CPS1: variants seen among roughly 807,000 people sequenced by gnomAD.
CPS1 encodes carbamoyl-phosphate synthase [ammonia], mitochondrial.
In CPS1, 109 loss-of-function variants were observed where a neutral mutation model predicts 174.6. That is an observed-to-expected ratio of 0.62 (90% CI 0.53 to 0.73). The LOEUF (loss-of-function observed/expected upper bound fraction) is 0.73, where lower values mean the gene tolerates loss of function less well. CPS1 is among the 30% of genes least tolerant of loss of function. The pLI is 0.00. For missense variants in CPS1, 1,689 were observed against 1,821.9 expected (o/e 0.93, Z 1.33); for synonymous variants, 637 against 632.0 (o/e 1.01, Z -0.12).
intron 21 of CPS1, 27 bp from the exon 22 acceptor site, chr2:210,637,675 G>A (rs1271234920): frequency 3.1e-6 from 5 of 1,613,228 alleles, no homozygotes; most frequent in East Asian, 4.5e-5. Context: ...GTCTAAACTT[G>A]AATCTCTCTT....
upstream of CPS1, among the ~76,000 whole-genome samples, chr2:210,552,543 T>C (rs912758411): frequency 2.0e-5 from 3 of 152,038 alleles, no homozygotes; most frequent in Non-Finnish European, 4.4e-5. Context: ...GTTGGAAGTC[T>C]CTGTACCTTC....
intron 1 of CPS1, among the ~76,000 whole-genome samples, chr2:210,529,752 T>G (rs1696070772): frequency 6.6e-6 from 1 of 151,998 alleles, no homozygotes; most frequent in Admixed American, 6.6e-5. Context: ...GACCTTATTG[T>G]GGAGATGGAT....
intron 1 of CPS1, among the ~76,000 whole-genome samples, chr2:210,540,669 G>T (rs1343304257): frequency 6.6e-6 from 1 of 152,136 alleles, no homozygotes; most frequent in Non-Finnish European, 1.5e-5. Flanking sequence ...TGTATATGAA[G>T]AAACTGAGGT....
intron 37 of CPS1, 146 bp downstream of exon 37, chr2:210,677,282 A>G (rs909038840): frequency 2.3e-6 from 2 of 855,520 alleles, no homozygotes; most frequent in African/African-American, 3.4e-5. Context: ...TAAAATAATG[A>G]TGCTAACATG....
At chr2:210,563,300 A>G (rs1449730283) in intron 1 of CPS1, among the ~76,000 whole-genome samples, 1 of 151,964 alleles carries the variant, frequency 6.6e-6, no homozygotes, top group Admixed American at 6.6e-5. Context: ...TCTTTTTTTG[A>G]GAATAGGTTG....
At chr2:210,521,104 C>T (rs912545220) in intron 1 of CPS1, among the ~76,000 whole-genome samples, 11 of 152,036 alleles carry the variant, frequency 7.2e-5, no homozygotes, top group African/African-American at 2.7e-4. Flanking sequence ...ACCTCACCAA[C>T]ATTTGCCAAG....
Position 210,591,866 on chromosome 2 carries a change from A to G in CPS1, c.983A>G (p.Lys328Arg), listed in dbSNP as rs770107715. ...CAGCCTGTTTTGAATATCACAAACA[A>G]ACAGGCTTTCATTACTGCTCAGAAT... The part of the protein sequence containing the change: ...QNQPVLNITN[K>R]QAFITAQNHG... Residue 328 changes from lysine (K) to arginine (R), a missense_variant, in exon 10 of 38, where the codon AAA becomes AGA. By Grantham distance (26) the Lys-to-Arg change is conservative (BLOSUM62 2). Coordinates refer to ENST00000233072, the MANE Select transcript of CPS1 (RefSeq NM_001875.5). 6.2e-7 allele frequency: 1 copy of G among 1,612,626 alleles called. No homozygotes were observed. Among genetic ancestry groups the G allele is most frequent in the South Asian group, 1.1e-5 (1 of 91,046 alleles).
At chr2:210,642,082 A>C (rs533896934) in intron 24 of CPS1, among the ~76,000 whole-genome samples, 1 of 152,376 alleles carries the variant, frequency 6.6e-6, no homozygotes, top group Non-Finnish European at 1.5e-5. Flanking sequence ...GGCTGAAAAA[A>C]GAGCACAGGT....
At chr2:210,489,721 T>A (rs933109459) in intron 1 of CPS1, among the ~76,000 whole-genome samples, 1 of 152,116 alleles carries the variant, frequency 6.6e-6, no homozygotes, top group African/African-American at 2.4e-5. Context: ...CTTTCTTCCA[T>A]ACTATTATAA....
At chr2:210,577,247 A>G (rs1697742743) in intron 3 of CPS1, 174 bp from the exon 4 acceptor site, 1 of 634,460 alleles carries the variant, frequency 1.6e-6, no homozygotes. Flanking sequence ...TAATGCAACA[A>G]TTACATATTT....
At position 210,608,459 on chromosome 2, in the gene CPS1, C is replaced by G. The variant is rs1284036715; in HGVS notation, c.2291C>G (p.Pro764Arg). 5.6e-6 allele frequency: 9 copies of G among 1,612,498 alleles called. No homozygotes were observed. Among genetic ancestry groups the G allele is most frequent in the Non-Finnish European group, 7.6e-6 (9 of 1,178,970 alleles). The change falls in exon 19 of 38, where the codon CCT becomes CGT. Residue 764 changes from proline (P) to arginine (R), a missense_variant. Pro to Arg is a moderately radical substitution (Grantham distance 103). Transcript: ENST00000233072. ...VSGKTSACFE[P>R]SLDYMVTKIP... ...GGGAAGACATCAGCCTGTTTTGAAC[C>G]TAGCCTGGATTACATGGTCACCAAG...
chr2:210,520,650 A>G (rs1482595226), intron 1 of CPS1, among the ~76,000 whole-genome samples: 1 of 152,026 alleles, frequency 6.6e-6, no homozygotes, highest in African/African-American at 2.4e-5. Context: ...TTCTGTCACT[A>G]TACATTAGTT....
At chr2:210,613,495 C>T (rs1458243175) in intron 20 of CPS1, among the ~76,000 whole-genome samples, 1 of 151,728 alleles carries the variant, frequency 6.6e-6, no homozygotes, top group African/African-American at 2.4e-5. Context: ...AAAGCCATTT[C>T]ACCTTCATCA....
intron 33 of CPS1, among the ~76,000 whole-genome samples, chr2:210,663,870 G>T (rs1280461253): frequency 6.6e-6 from 1 of 152,020 alleles, no homozygotes; most frequent in African/African-American, 2.4e-5. Context: ...AGACTTACTA[G>T]ATACAAACTT....
At chr2:210,667,204 T>C (rs1004604719) in intron 33 of CPS1, among the ~76,000 whole-genome samples, 1 of 152,194 alleles carries the variant, frequency 6.6e-6, no homozygotes, top group Admixed American at 6.5e-5. Flanking sequence ...CTGAAGTTGC[T>C]TATCAGCTTA....
chr2:210,645,916 G>A (rs551004708), intron 25 of CPS1, among the ~76,000 whole-genome samples: 99 of 152,288 alleles, frequency 6.5e-4, no homozygotes, highest in Non-Finnish European at 1.1e-3. Flanking sequence ...AGGATACATA[G>A]TAGAATCTTT....
intron 33 of CPS1, among the ~76,000 whole-genome samples, chr2:210,666,015 A>G (rs899308683): frequency 2.7e-5 from 4 of 150,778 alleles, no homozygotes; most frequent in Non-Finnish European, 1.5e-5. Context: ...AATGATTGCC[A>G]TTCTAACTGG....
intron 1 of CPS1, among the ~76,000 whole-genome samples, chr2:210,550,815 T>A (rs192516492): frequency 6.6e-6 from 1 of 152,012 alleles, no homozygotes; most frequent in Admixed American, 6.6e-5. Flanking sequence ...ACAAGAATAA[T>A]AATTATTATT....
chr2:210,599,299 C>G lies in CPS1; in HGVS notation c.1360-73C>G, dbSNP rs1333731274. On this transcript the variant is annotated intron_variant, in intron 13 of 37. Coordinates refer to ENST00000233072, the MANE Select transcript of CPS1 (RefSeq NM_001875.5). The stretch of plus-strand genomic sequence containing the variant: ...ACCTAAAAGCTTAGTTACCCCATGT[C>G]TTTTTATTTAAGTGTGGTCATTCTC... The G allele has an allele frequency of 1.4e-5, 20 of 1,427,470 alleles. No individual in the cohort carries two copies. In the African/African-American group the frequency reaches 2.3e-4, roughly 16 times the overall value. 88.4% of individuals were successfully genotyped at this position (1,427,470 alleles called of 1,614,324 possible). A position where few individuals can be genotyped will look rare whatever the true frequency, so the allele number is the denominator to read the frequency against.
Sources: gnomAD v4.1 joint callset for allele counts (sites outside exome capture counted in the v4.1 genomes callset) on GRCh38, gnomAD v4.1.1 for gene constraint, MANE v1.5 for transcripts, NCBI Gene and HGNC (gene_info 2026-07-23, HGNC 2026-07-21) for gene names.